Variants in ATP2A2 observed in about 807,000 individuals in gnomAD.
The protein encoded by ATP2A2 is ATPase sarcoplasmic/endoplasmic reticulum Ca2+ transporting 2, also known as sarcoplasmic/endoplasmic reticulum calcium ATPase 2.
A neutral mutation model predicts 109.3 loss-of-function variants in ATP2A2; 14 were observed. The ratio of observed to expected loss-of-function variants is 0.13; its 90% confidence interval spans 0.08 to 0.20. ATP2A2 has a LOEUF of 0.20. Among genes scored for constraint, ATP2A2 ranks in the 10% least tolerant of loss-of-function variants. The pLI is 1.00. For synonymous variants in ATP2A2, 506 were observed against 490.9 expected, an observed-to-expected ratio of 1.03 and a Z score of -0.41; for missense variants, 657 against 1,321.6, an observed-to-expected ratio of 0.50 and a Z score of 7.80.
intron 6 of ATP2A2, among the ~76,000 whole-genome samples, chr12:110,325,060 G>C (rs937959050): frequency 6.6e-6 from 1 of 151,474 alleles, no homozygotes; most frequent in African/African-American, 2.4e-5. Context: ...GTGATCGCCC[G>C]CCTCAAACCC....
intron 5 of ATP2A2, among the ~76,000 whole-genome samples, chr12:110,300,184 C>CT (rs1193882539): frequency 0.17 from 12,418 of 74,236 alleles, 1,635 homozygotes; most frequent in African/African-American, 0.2. Flanking sequence ...CTCGCTCTCT[C>CT]TTTTTTTTTT....
chr12:110,312,862 AAAAG>A (rs1366728964), intron 5 of ATP2A2, among the ~76,000 whole-genome samples: 1 of 151,978 alleles, frequency 6.6e-6, no homozygotes, highest in Non-Finnish European at 1.5e-5. Context: ...AAAAAAAAAA[AAAAG>A]AAAACAAAAC....
At chr12:110,325,988 A>AG in intron 6 of ATP2A2, 1 of 152,380 alleles carries the variant, frequency 6.6e-6, no homozygotes, top group East Asian at 1.8e-4. Context: ...CTCTGTCTCG[A>AG]AAAAAAAAAA....
At chr12:110,326,161 TTTTA>T in intron 6 of ATP2A2, 1 of 553,026 alleles carries the variant, frequency 1.8e-6, no homozygotes, top group Non-Finnish European at 3.2e-6. Context: ...AAATTCACTT[TTTTA>T]TTTTGGAATT....
At chr12:110,330,397 G>C (rs751228593) in intron 8 of ATP2A2, 1 of 152,178 alleles carries the variant, frequency 6.6e-6, no homozygotes, top group Non-Finnish European at 1.5e-5. Context: ...TAAGGTGTTT[G>C]AGCTACTTAA....
chr12:110,318,112 CG>C (rs1876861965), intron 5 of ATP2A2, among the ~76,000 whole-genome samples: 1 of 152,170 alleles, frequency 6.6e-6, no homozygotes, highest in Non-Finnish European at 1.5e-5. Flanking sequence ...ATGTGATCAT[CG>C]GAACAGCCTA....
Position 110,339,614 on chromosome 12 carries a change from GGTA to G in ATP2A2, c.1657_1659del (p.Ser553del). 1 of 1,614,166 alleles carries G rather than the reference GGTA, an allele frequency of 6.2e-7. No individual in the cohort carries two copies. On this transcript the variant is annotated inframe_deletion, in exon 13 of 20. Transcript: ENST00000539276. The surrounding 1 kb of genome is among the most constrained non-coding windows in gnomAD (Gnocchi z 4.4). The stretch of plus-strand genomic sequence containing the variant: ...GATCATGTCTGTCATTCGAGAGTGG[GGTA>G]GTGGCAGCGACACACTGCGATGCCT...
At chr12:110,286,164 T>C (rs1872645371) in intron 3 of ATP2A2, among the ~76,000 whole-genome samples, 1 of 152,148 alleles carries the variant, frequency 6.6e-6, no homozygotes, top group African/African-American at 2.4e-5. Flanking sequence ...CCTCAGGTTA[T>C]CACCTGCCTC....
At chr12:110,293,514 C>T (rs1223713548) in intron 4 of ATP2A2, among the ~76,000 whole-genome samples, 6 of 151,466 alleles carry the variant, frequency 4.0e-5, no homozygotes, top group Non-Finnish European at 7.4e-5. Context: ...CCTGTCTCAC[C>T]CTCCCGGGTA....
At chr12:110,315,615 T>A (rs1876579803) in intron 5 of ATP2A2, among the ~76,000 whole-genome samples, 1 of 152,152 alleles carries the variant, frequency 6.6e-6, no homozygotes. Flanking sequence ...GTACTAGGAC[T>A]GTCAAATGTT....
intron 3 of ATP2A2, among the ~76,000 whole-genome samples, chr12:110,289,891 TTCTC>T (rs1399960597): frequency 6.6e-6 from 1 of 152,190 alleles, no homozygotes; most frequent in African/African-American, 2.4e-5. Context: ...TTGTGGTGAG[TTCTC>T]TCTTTTTACC....
Position 110,349,172 on chromosome 12 carries a change from T to C in ATP2A2, c.*2702T>C. The C allele has an allele frequency of 1.0e-6, 1 of 985,522 alleles. No individual in the cohort carries two copies. The highest frequency in any genetic ancestry group is 1.2e-6 in the Non-Finnish European group (1 of 830,026). 61.0% of individuals were successfully genotyped at this position (985,522 alleles called of 1,614,324 possible). ...CCACTTGCTCCATTTCACTGAAGGC[T>C]TTGCTGGGTGAAAACACTTCAGCAT... On this transcript the variant is annotated 3_prime_UTR_variant, in exon 20 of 20. Coordinates refer to ENST00000539276, the MANE Select transcript of ATP2A2 (RefSeq NM_170665.4).
intron 3 of ATP2A2, among the ~76,000 whole-genome samples, chr12:110,287,526 G>A (rs543613809): frequency 1.3e-5 from 2 of 152,300 alleles, no homozygotes; most frequent in South Asian, 4.1e-4. Context: ...AAAGCAAAGG[G>A]AAGAAGAAAC....
intron 17 of ATP2A2, 128 bp downstream of exon 17, chr12:110,345,099 C>A: frequency 1.3e-6 from 2 of 1,493,824 alleles, no homozygotes; most frequent in Non-Finnish European, 1.9e-6. Flanking sequence ...TAAGATGATT[C>A]TGAAGGACCA....
rs142728456 is a variant in ATP2A2 at position 110,286,614 on chromosome 12, A to G, written c.219+3819A>G. 1.2e-3 allele frequency among the ~76,000 whole-genome samples: 188 copies of G among 152,152 alleles called. 1 individual carries two copies. The highest frequency in any genetic ancestry group is 6.8e-3 in the Middle Eastern group (2 of 294). On this transcript the variant is annotated intron_variant, in intron 3 of 19. Transcript: ENST00000539276. ...TTTTTTCCGTTTTATTAATGACTGA[A>G]AGTCCTCCCCCAGAAATTATCGTAA...
Position 110,348,970 on chromosome 12 carries a change from G to C in ATP2A2, c.*2500G>C, listed in dbSNP as rs1014839302. 4.1e-6 allele frequency: 4 copies of C among 985,290 alleles called. No individual in the cohort carries two copies. In the African/African-American group the frequency reaches 5.2e-5, roughly 13 times the overall value. The allele number at this position is 985,290 out of a possible 1,614,324, so 61.0% of individuals were successfully genotyped here. On this transcript the variant is annotated 3_prime_UTR_variant, in exon 20 of 20. Coordinates refer to ENST00000539276, the MANE Select transcript of ATP2A2 (RefSeq NM_170665.4). ...TTTCCTGACTCAGTTCCTTGACTTA[G>C]TGGCCTTTACAAAAAAAGTTGAGTA...
At position 110,349,094 on chromosome 12, in the gene ATP2A2, C is replaced by G; in HGVS notation, c.*2624C>G. On this transcript the variant is annotated 3_prime_UTR_variant, in exon 20 of 20. Coordinates refer to ENST00000539276, the MANE Select transcript of ATP2A2 (RefSeq NM_170665.4). ...AGGAGCCCATGGAGGGACCCACTTCCCTTGGTCCAGACAGCTGGGAGTGGG... is the reference window on the plus strand; with the variant it reads ...AGGAGCCCATGGAGGGACCCACTTCGCTTGGTCCAGACAGCTGGGAGTGGG... The G allele has an allele frequency of 3.0e-6, 3 of 985,496 alleles. No individual in the cohort carries two copies. Among genetic ancestry groups the G allele is most frequent in the Non-Finnish European group, 3.6e-6 (3 of 829,972 alleles). 61.0% of individuals were successfully genotyped at this position (985,496 alleles called of 1,614,324 possible). A position where few individuals can be genotyped will look rare whatever the true frequency, so the allele number is the denominator to read the frequency against.
chr12:110,343,570 C>A (rs531830889), intron 16 of ATP2A2, 136 bp downstream of exon 16: 6 of 997,340 alleles, frequency 6.0e-6, no homozygotes, highest in Admixed American at 4.1e-5. Flanking sequence ...TGCCCTCTTA[C>A]AGTTCGATGA....
Position 110,340,682 on chromosome 12 carries a change from C to T in ATP2A2, c.1785C>T (p.Cys595=), listed in dbSNP as rs1248958289. The T allele has an allele frequency of 6.2e-6, 10 of 1,613,994 alleles. No individual in the cohort carries two copies. The highest frequency in any genetic ancestry group is 1.3e-5 in the African/African-American group (1 of 74,926). The part of the protein sequence containing the change: ...KYETNLTFVG[C]VGMLDPPRIE... ...AGACCAATCTGACCTTCGTTGGCTG[C>T]GTGGGCATGCTGGATCCTCCGAGAA... is the stretch of plus-strand genomic sequence containing the variant. The change falls in exon 14 of 20, where the codon TGC becomes TGT. Residue 595 remains cysteine, a synonymous_variant. Transcript: ENST00000539276. The surrounding 1 kb of genome is among the most constrained non-coding windows in gnomAD (Gnocchi z 6.0).
Sources: gnomAD v4.1 joint callset for allele counts (sites outside exome capture counted in the v4.1 genomes callset) on GRCh38, gnomAD v4.1.1 for gene constraint, Gnocchi (gnomAD v3.1) non-coding constraint, MANE v1.5 for transcripts, NCBI Gene and HGNC (gene_info 2026-07-23, HGNC 2026-07-21) for gene names.